The following ZNF33A variants were observed in gnomAD, a reference collection of about 807,000 sequenced individuals.
ZNF33A encodes zinc finger protein 33A, also known as brain my041 protein.
ZNF33A carries 9 observed loss-of-function variants against 15.9 expected under a neutral mutation model. The ratio of observed to expected loss-of-function variants is 0.57; its 90% CI spans 0.34 to 0.99. The LOEUF (loss-of-function observed/expected upper bound fraction) is 0.99. Among genes scored for constraint, ZNF33A ranks in the 50% least tolerant of loss-of-function variants. ZNF33A has a pLI of 0.02. For synonymous variants in ZNF33A, 294 were observed against 324.2 expected, an observed-to-expected ratio of 0.91 and a Z score of 1.00; for missense variants, 843 against 941.6, an observed-to-expected ratio of 0.90 and a Z score of 1.37.
In ZNF33A at chr10:38,056,120, A is replaced by G; in HGVS notation, c.1996A>G (p.Lys666Glu). The change falls in exon 5 of 5, where the codon AAA (lysine) becomes GAA (glutamate). Residue 666 changes from lysine to glutamate, a missense_variant. Coordinates refer to ENST00000432900, the MANE Select transcript of ZNF33A (RefSeq NM_006954.2). ...AACCCATACACAAGAAAAGCCCTAT[A>G]AATGTAATGAATGTGGAAAATCTTT... The part of the protein sequence containing the change: ...QRTHTQEKPY[K>E]CNECGKSFCV... 1 of 1,614,028 alleles carries G rather than the reference A, an allele frequency of 6.2e-7. No homozygotes were observed. Among genetic ancestry groups the G allele is most frequent in the Non-Finnish European group, 8.5e-7 (1 of 1,179,982 alleles).
chr10:38,040,621 C>T (rs1408390741), intron 4 of ZNF33A, among the ~76,000 whole-genome samples: 1 of 152,072 alleles, frequency 6.6e-6, no homozygotes, highest in Non-Finnish European at 1.5e-5. Context: ...ATAGCTACTC[C>T]AGCCTTATAG....
At chr10:38,067,091 T>C (rs2135798897), downstream of ZNF33A, among the ~76,000 whole-genome samples, 1 of 152,360 alleles carries the variant, frequency 6.6e-6, no homozygotes, top group South Asian at 2.1e-4. Flanking sequence ...ATCATGATCA[T>C]GGTGACCCTA....
At chr10:38,046,368 G>C (rs2065946374) in intron 4 of ZNF33A, among the ~76,000 whole-genome samples, 1 of 152,210 alleles carries the variant, frequency 6.6e-6, no homozygotes, top group Non-Finnish European at 1.5e-5. Context: ...CTGCCAGCCA[G>C]AGTGGAAAAA....
chr10:38,024,315 T>TA (rs2064891252), intron 4 of ZNF33A, among the ~76,000 whole-genome samples: 1 of 152,156 alleles, frequency 6.6e-6, no homozygotes, highest in Non-Finnish European at 1.5e-5. Context: ...TAATACCACT[T>TA]ATTCCATAGA....
chr10:38,061,803 C>G (rs2066657770), downstream of ZNF33A, among the ~76,000 whole-genome samples: 1 of 151,952 alleles, frequency 6.6e-6, no homozygotes, highest in Admixed American at 6.6e-5. Context: ...TCTACTAAAA[C>G]TATAAAAATT....
rs186585557 is a variant in ZNF33A, at chr10:38,053,391, C to T, written c.251-984C>T. 2.6e-3 allele frequency among the ~76,000 whole-genome samples: 399 copies of T among 152,222 alleles called. 1 individual carries two copies. Among genetic ancestry groups the T allele is most frequent in the African/African-American group, 9.0e-3 (372 of 41,550 alleles). On this transcript the variant is annotated intron_variant, in intron 4 of 4. Transcript: ENST00000432900. Reference sequence around the variant, plus strand: ...GTGGTGGGTTGGGGGAGAAAGAGAGCTCATGCATGTGCTTTCCAGTATCCT... The same window carrying T: ...GTGGTGGGTTGGGGGAGAAAGAGAGTTCATGCATGTGCTTTCCAGTATCCT...
chr10:38,055,571 A>T lies in ZNF33A; in HGVS notation c.1447A>T (p.Asn483Tyr), dbSNP rs1464364533. 4 of 1,614,108 alleles carry T rather than the reference A, an allele frequency of 2.5e-6. No individual in the cohort carries two copies. Among genetic ancestry groups the T allele is most frequent in the Non-Finnish European group, 3.4e-6 (4 of 1,179,992 alleles). Residue 483 changes from asparagine to tyrosine, a missense_variant, in exon 5 of 5, where the codon AAT becomes TAT. Physicochemically the swap from Asn to Tyr is moderately radical, Grantham distance 143. Coordinates refer to ENST00000432900, the MANE Select transcript of ZNF33A (RefSeq NM_006954.2). ...ECGKSFSEKSNLTQHQRIHIG... is the reference protein window; with the variant it reads ...ECGKSFSEKSYLTQHQRIHIG... ...TGGGAAATCCTTTAGTGAAAAGTCAAATCTTACACAGCATCAGAGAATTCA... is the reference window on the plus strand; with the variant it reads ...TGGGAAATCCTTTAGTGAAAAGTCATATCTTACACAGCATCAGAGAATTCA...
Position 38,043,966 on chromosome 10 carries a change from A to C in ZNF33A, c.251-10409A>C, listed in dbSNP as rs2065831540. 2.0e-5 allele frequency: 3 copies of C among 152,082 alleles called. No homozygotes were observed. In the South Asian group the frequency reaches 6.2e-4, roughly 32 times the overall value. 9.4% of individuals were successfully genotyped at this position (152,082 alleles called of 1,614,324 possible). A position where few individuals can be genotyped will look rare whatever the true frequency, so the allele number is the denominator to read the frequency against. ...TTCCAGTTTTAGTATATGTGTTGCA[A>C]GGTGAGCATAGCCATTCATTTGTTT... On this transcript the variant is annotated intron_variant, in intron 4 of 4. Transcript: ENST00000432900.
intron 4 of ZNF33A, among the ~76,000 whole-genome samples, chr10:38,022,651 CTG>C (rs1285927397): frequency 2.3e-4 from 22 of 94,038 alleles, no homozygotes; most frequent in Non-Finnish European, 3.7e-4. Context: ...GAGCAAAACT[CTG>C]TCTCAAAAAA....
chr10:38,024,109 G>A (rs1429789490), intron 4 of ZNF33A, among the ~76,000 whole-genome samples: 7 of 133,564 alleles, frequency 5.2e-5, no homozygotes, highest in Non-Finnish European at 7.6e-5. Flanking sequence ...CCGAGATCAC[G>A]CCATTGCATA....
intron 3 of ZNF33A, 52 bp from the exon 4 acceptor site, chr10:38,017,239 G>C: frequency 6.5e-7 from 1 of 1,544,692 alleles, no homozygotes; most frequent in Non-Finnish European, 8.9e-7. Flanking sequence ...TGCTTCAAAG[G>C]CCTGAAGTCT....
rs749369886 is a variant in ZNF33A at position 38,054,591 on chromosome 10, T to G, written c.467T>G (p.Val156Gly). Residue 156 changes from valine to glycine, a missense_variant, in exon 5 of 5, where the codon GTT becomes GGT. Coordinates refer to ENST00000432900, the MANE Select transcript of ZNF33A (RefSeq NM_006954.2). ...AGTTTCAACACTGTTTCAGAATTGG[T>G]TATCAGTAAGATAAACTATTTAGGA... ...GMSFNTVSEL[V>G]ISKINYLGKK... The G allele has an allele frequency of 3.1e-6, 5 of 1,611,270 alleles. No individual in the cohort carries two copies. The African/African-American group carries it at 6.7e-5, about 22-fold the overall frequency.
chr10:38,044,076 C>T (rs561958364), intron 4 of ZNF33A: 15 of 152,132 alleles, frequency 9.9e-5, no homozygotes, highest in African/African-American at 3.4e-4. Context: ...TGGTGTTCCT[C>T]ATTTTTTTGA....
rs1426749158 is a variant in ZNF33A, at chr10:38,058,992, AT to A, written c.*2435del. The A allele has an allele frequency of 7.2e-5, 11 of 152,234 alleles. No homozygotes were observed. The highest frequency in any genetic ancestry group is 2.7e-4 in the African/African-American group (11 of 41,462). 9.4% of individuals were successfully genotyped at this position (152,234 alleles called of 1,614,324 possible). A position where few individuals can be genotyped will look rare whatever the true frequency, so the allele number is the denominator to read the frequency against. ...CAAGAAAGGAAAACTACAGATCAAT[AT>A]TTCCATTGAACACAGATGCAGAAAT... On this transcript the variant is annotated 3_prime_UTR_variant, in exon 5 of 5. Coordinates refer to ENST00000432900, the MANE Select transcript of ZNF33A (RefSeq NM_006954.2).
intron 4 of ZNF33A, among the ~76,000 whole-genome samples, chr10:38,020,731 A>G (rs1199348167): frequency 2.0e-5 from 3 of 152,070 alleles, no homozygotes; most frequent in African/African-American, 7.2e-5. Flanking sequence ...TTATCTGTTT[A>G]TCTGTGAATG....
intron 4 of ZNF33A, among the ~76,000 whole-genome samples, chr10:38,048,830 G>A (rs1395723652): frequency 6.6e-6 from 1 of 152,088 alleles, no homozygotes; most frequent in African/African-American, 2.4e-5. Context: ...AGAGGTTTTA[G>A]CATCCTTTTA....
In ZNF33A at chr10:38,057,806, C is replaced by G. The variant is rs1286227024; in HGVS notation, c.*1246C>G. ...CAAATTTTCTTTAAGCAGCTGCTCT[C>G]CAAGACAGGGCCCTGGAAAGGCCCA... On this transcript the variant is annotated 3_prime_UTR_variant, in exon 5 of 5. Transcript: ENST00000432900. 1.0e-6 allele frequency: 1 copy of G among 985,474 alleles called. No individual in the cohort carries two copies. The highest frequency in any genetic ancestry group is 1.1e-4 in the East Asian group (1 of 8,784). The allele number at this position is 985,474 out of a possible 1,614,324, so 61.0% of individuals were successfully genotyped here.
Position 38,058,025 on chromosome 10 carries a change from C to T in ZNF33A, c.*1465C>T. ...TGTACACTATATTACATGATCAGAT[C>T]ATACAAATAATCTAAGATTATACAG... On this transcript the variant is annotated 3_prime_UTR_variant, in exon 5 of 5. Transcript: ENST00000432900. 1 of 984,756 alleles carries T rather than the reference C, an allele frequency of 1.0e-6. No homozygotes were observed. The highest frequency in any genetic ancestry group is 1.2e-6 in the Non-Finnish European group (1 of 829,450). 61.0% of individuals were successfully genotyped at this position (984,756 alleles called of 1,614,324 possible).
chr10:38,064,412 G>A (rs1249713739), downstream of ZNF33A: 3 of 384,354 alleles, frequency 7.8e-6, no homozygotes, highest in Admixed American at 4.5e-5. Context: ...CTGTCCTCCC[G>A]AGGAGTGTCC....
Sources: gnomAD v4.1 joint callset for allele counts (sites outside exome capture counted in the v4.1 genomes callset) on GRCh38, gnomAD v4.1.1 for gene constraint, MANE v1.5 for transcripts, NCBI Gene and HGNC (gene_info 2026-07-23, HGNC 2026-07-21) for gene names.